ZBTB25: variants seen among roughly 807,000 people sequenced by gnomAD.
ZBTB25 encodes zinc finger and BTB domain containing 25, also known as zinc finger and BTB domain-containing protein 25.
Under a neutral mutation model 34.2 loss-of-function variants are expected in ZBTB25, and 20 were observed. That is an observed-to-expected ratio of 0.58 (90% confidence interval 0.41 to 0.85). The LOEUF (loss-of-function observed/expected upper bound fraction) is 0.85. ZBTB25 is among the 40% of genes least tolerant of loss of function. ZBTB25 has a pLI of 0.00. For synonymous variants in ZBTB25, 175 were observed against 186.4 expected (o/e 0.94, Z 0.50); for missense variants, 437 against 521.8 (o/e 0.84, Z 1.58).
chr14:64,486,499 T>C lies in ZBTB25; in HGVS notation c.*424A>G, dbSNP rs2078865910. On this transcript the variant is annotated 3_prime_UTR_variant, in exon 3 of 3. Transcript: ENST00000608382. ...TTAATTTCCTATATGGAAGAAAATA[T>C]TTAAAAATAATCCTGGTAGGAGTGA... 1 of 964,656 alleles carries C rather than the reference T, an allele frequency of 1.0e-6. No homozygotes were observed. The highest frequency in any genetic ancestry group is 1.2e-6 in the Non-Finnish European group (1 of 810,524). 59.8% of individuals were successfully genotyped at this position (964,656 alleles called of 1,614,324 possible).
intron 1 of ZBTB25, 67 bp from the exon 2 acceptor site, chr14:64,490,607 C>G (rs2079046032): frequency 2.9e-6 from 4 of 1,372,888 alleles, no homozygotes; most frequent in Non-Finnish European, 3.9e-6. Flanking sequence ...TTTATTAATA[C>G]AAAATTGTCT....
Position 64,479,576 on chromosome 14 carries a change from C to T in ZBTB25, c.*7347G>A, listed in dbSNP as rs2078755945. ...AGACTGCGTAAAGAAGATCACCCTC[C>T]CTGATGTGGGTGGCTCTCATTCCAT... On this transcript the variant is annotated 3_prime_UTR_variant, in exon 3 of 3. Transcript: ENST00000608382. 1 of 152,154 alleles carries T rather than the reference C, an allele frequency of 6.6e-6. No homozygotes were observed. The highest frequency in any genetic ancestry group is 2.1e-4 in the South Asian group (1 of 4,828). The allele number at this position is 152,154 out of a possible 1,614,324, so 9.4% of individuals were successfully genotyped here. A position where few individuals can be genotyped will look rare whatever the true frequency, so the allele number is the denominator to read the frequency against.
intron 2 of ZBTB25, among the ~76,000 whole-genome samples, chr14:64,459,152 G>T (rs992190814): frequency 2.0e-5 from 3 of 152,174 alleles, no homozygotes; most frequent in Non-Finnish European, 4.4e-5. Context: ...GATATTTTCA[G>T]ACGTGCAAGG....
At chr14:64,469,665 A>G (rs746815535) in intron 2 of ZBTB25, 8 of 1,583,164 alleles carry the variant, frequency 5.1e-6, no homozygotes, top group South Asian at 2.3e-5. Flanking sequence ...AAAATAAACA[A>G]TCTTCTACAG....
rs2078857059 is a variant in ZBTB25 at position 64,486,172 on chromosome 14, G to A, written c.*751C>T. 3.0e-6 allele frequency: 2 copies of A among 671,188 alleles called. No homozygotes were observed. The highest frequency in any genetic ancestry group is 2.0e-5 in the African/African-American group (1 of 50,698). 41.6% of individuals were successfully genotyped at this position (671,188 alleles called of 1,614,324 possible). On this transcript the variant is annotated 3_prime_UTR_variant, in exon 3 of 3. Transcript: ENST00000608382. The stretch of plus-strand genomic sequence containing the variant: ...AAAAAATTAGCTGGGCGTGGTGGCG[G>A]GCGCCTGTAGTCCCAGCTGCTCAGG...
intron 2 of ZBTB25, chr14:64,470,393 C>G (rs1373597611): frequency 6.2e-6 from 1 of 162,400 alleles, no homozygotes; most frequent in African/African-American, 2.4e-5. Flanking sequence ...AGTTCGAGAC[C>G]AGCCTGGCCA....
At chr14:64,489,699 C>A (rs2079009445) in intron 2 of ZBTB25, among the ~76,000 whole-genome samples, 1 of 151,602 alleles carries the variant, frequency 6.6e-6, no homozygotes, top group South Asian at 2.1e-4. Context: ...CCATGCCTGG[C>A]TAATTTTTGT....
chr14:64,488,875 T>C (rs550543004), intron 2 of ZBTB25, among the ~76,000 whole-genome samples: 2 of 152,330 alleles, frequency 1.3e-5, no homozygotes, highest in South Asian at 4.1e-4. Context: ...CACTGCATTG[T>C]ATAATTAAAA....
rs1304403835 is a variant in ZBTB25, at chr14:64,480,527, G to C, written c.*6396C>G. 1.5e-5 allele frequency: 4 copies of C among 258,468 alleles called. No individual in the cohort carries two copies. The allele number at this position is 258,468 out of a possible 1,614,324, so 16.0% of individuals were successfully genotyped here. ...CCTCCAAAATGTTACCCAGTACAAA[G>C]ACTACTTGCCTCAACACTAGGAACA... On this transcript the variant is annotated 3_prime_UTR_variant, in exon 3 of 3. Coordinates refer to ENST00000608382, the MANE Select transcript of ZBTB25 (RefSeq NM_006977.5).
intron 2 of ZBTB25, chr14:64,449,671 A>G: frequency 6.3e-7 from 1 of 1,599,672 alleles, no homozygotes; most frequent in South Asian, 1.1e-5. Flanking sequence ...AAAAGGGCAC[A>G]GTGAAGTTTC....
intron 2 of ZBTB25, chr14:64,460,427 G>T (rs908912266): frequency 6.5e-6 from 1 of 152,732 alleles, no homozygotes; most frequent in Admixed American, 6.5e-5. Flanking sequence ...CTATTCTGTT[G>T]GTGCAGCAAG....
chr14:64,449,215 G>A (rs1019579680), exon 3 of ZBTB25: 8 of 595,194 alleles, frequency 1.3e-5, no homozygotes, highest in Middle Eastern at 4.5e-4. Context: ...AATAAGTGCT[G>A]TGATTATTCG....
At chr14:64,470,910 AGG>A (rs891830126) in intron 2 of ZBTB25, 2 of 167,048 alleles carry the variant, frequency 1.2e-5, no homozygotes, top group African/African-American at 4.8e-5. Context: ...CTCTCCAAAG[AGG>A]GGAGAGTAGA....
chr14:64,503,442 C>T (rs2079565731), intron 1 of ZBTB25: 1 of 985,326 alleles, frequency 1.0e-6, no homozygotes, highest in Non-Finnish European at 1.2e-6. Flanking sequence ...CTACGAGCAG[C>T]AAAGGGTGGT....
intron 2 of ZBTB25, chr14:64,469,795 G>A: frequency 1.3e-6 from 1 of 766,352 alleles, no homozygotes; most frequent in South Asian, 2.2e-5. Flanking sequence ...AACTTAAAAG[G>A]TACAATTCCA....
At position 64,478,187 on chromosome 14, in the gene ZBTB25, T is replaced by C. The variant is rs2078737267; in HGVS notation, c.*8736A>G. On this transcript the variant is annotated 3_prime_UTR_variant, in exon 3 of 3. Transcript: ENST00000608382. ...CCAAGTTGGCTTATCAGCTGTAAAATAAACTTAGGAGAAGCAACTGGTGAT... is the reference window on the plus strand; with the variant it reads ...CCAAGTTGGCTTATCAGCTGTAAAACAAACTTAGGAGAAGCAACTGGTGAT... The C allele has an allele frequency of 6.6e-6, 1 of 152,126 alleles. No individual in the cohort carries two copies. The highest frequency in any genetic ancestry group is 1.5e-5 in the Non-Finnish European group (1 of 68,034). 9.4% of individuals were successfully genotyped at this position (152,126 alleles called of 1,614,324 possible).
upstream of ZBTB25, chr14:64,504,807 G>C: frequency 2.6e-6 from 1 of 387,300 alleles, no homozygotes; most frequent in East Asian, 3.7e-5. Flanking sequence ...GAGCCTCTCC[G>C]CGCAGCCCAG....
At chr14:64,504,496 G>A (rs2079604652), upstream of ZBTB25, 1 of 161,372 alleles carries the variant, frequency 6.2e-6, no homozygotes, top group Non-Finnish European at 1.3e-5. Flanking sequence ...CCCTTGAGAG[G>A]GGCAAGAGGG....
At chr14:64,459,155 G>C (rs551285922) in intron 2 of ZBTB25, among the ~76,000 whole-genome samples, 1 of 152,174 alleles carries the variant, frequency 6.6e-6, no homozygotes, top group Non-Finnish European at 1.5e-5. Flanking sequence ...ATTTTCAGAC[G>C]TGCAAGGGTT....
Sources: gnomAD v4.1 joint callset for allele counts (sites outside exome capture counted in the v4.1 genomes callset) on GRCh38, gnomAD v4.1.1 for gene constraint, MANE v1.5 for transcripts, NCBI Gene and HGNC (gene_info 2026-07-23, HGNC 2026-07-21) for gene names.